SDR42E1: variants seen among roughly 807,000 people sequenced by gnomAD.
SDR42E1 encodes short-chain dehydrogenase/reductase family 42E member 1.
SDR42E1 carries 5 observed loss-of-function variants against 2.6 expected under a neutral mutation model. The ratio of observed to expected loss-of-function variants is 1.94; its 90% CI spans 1.01 to 4.08. The LOEUF (loss-of-function observed/expected upper bound fraction) is 4.08, where lower values mean the gene tolerates loss of function less well. Among genes scored for constraint, SDR42E1 ranks in the 30% most tolerant of loss-of-function variants. SDR42E1 has a pLI of 0.00. For synonymous variants in SDR42E1, 231 were observed against 188.3 expected (o/e 1.23, Z -1.86); for missense variants, 596 against 478.6 (o/e 1.25, Z -2.29).
At position 81,990,806 on chromosome 16, in the gene SDR42E1, T is replaced by G. The variant is rs1912408684; in HGVS notation, c.*8305A>C. On this transcript the variant is annotated 3_prime_UTR_variant, in exon 3 of 3. Coordinates refer to ENST00000328945, the MANE Select transcript of SDR42E1 (RefSeq NM_145168.3). ...CACTACCAAATATTTCTTTTCCACT[T>G]GGGCCCAAACTTAAGGTATTTGCTG... The G allele has an allele frequency of 6.6e-6, 1 of 152,198 alleles. No homozygotes were observed. The highest frequency in any genetic ancestry group is 1.5e-5 in the Non-Finnish European group (1 of 68,046). The allele number at this position is 152,198 out of a possible 1,614,324, so 9.4% of individuals were successfully genotyped here.
Position 81,999,876 on chromosome 16 carries a change from A to C in SDR42E1, c.417T>G (p.Ser139=). ...GGQVIRNGDE[S]LPYLPLHLHP... The stretch of plus-strand genomic sequence containing the variant: ...GGAGGTGAAGAGGCAGGTAGGGCAG[A>C]GATTCATCCCCATTTCTGATAACTT... The change falls in exon 3 of 3, where the codon TCT becomes TCG. Residue 139 remains serine (S), a synonymous_variant. Transcript: ENST00000328945. The C allele has an allele frequency of 6.2e-7, 1 of 1,614,172 alleles. No homozygotes were observed. Among genetic ancestry groups the C allele is most frequent in the Non-Finnish European group, 8.5e-7 (1 of 1,180,042 alleles).
Position 82,000,663 on chromosome 16 carries a change from G to C in SDR42E1, c.68+128C>G, listed in dbSNP as rs371719931. 17 of 702,016 alleles carry C rather than the reference G, an allele frequency of 2.4e-5. No individual in the cohort carries two copies. In the East Asian group the frequency reaches 3.4e-4, roughly 14 times the overall value. The allele number at this position is 702,016 out of a possible 1,614,324, so 43.5% of individuals were successfully genotyped here. A position where few individuals can be genotyped will look rare whatever the true frequency, so the allele number is the denominator to read the frequency against. On this transcript the variant is annotated intron_variant, in intron 2 of 2. Coordinates refer to ENST00000328945, the MANE Select transcript of SDR42E1 (RefSeq NM_145168.3). ...TCTCAGCTGCAATGTCTGAGCAGTG[G>C]GCAACACAGATCATTTCTGGTTTGA...
At chr16:82,002,154 G>C (rs1036300424) in intron 1 of SDR42E1, among the ~76,000 whole-genome samples, 1 of 152,196 alleles carries the variant, frequency 6.6e-6, no homozygotes, top group African/African-American at 2.4e-5. Flanking sequence ...GTGGAGACAG[G>C]AGGGAAGCGG....
At chr16:82,006,410 T>C (rs1912935979) in intron 1 of SDR42E1, among the ~76,000 whole-genome samples, 1 of 152,170 alleles carries the variant, frequency 6.6e-6, no homozygotes, top group Non-Finnish European at 1.5e-5. Context: ...TTGTGTTTAA[T>C]ACAAGGAAGT....
Position 81,990,449 on chromosome 16 carries a change from T to C in SDR42E1, c.*8662A>G, listed in dbSNP as rs1341102325. On this transcript the variant is annotated 3_prime_UTR_variant, in exon 3 of 3. Transcript: ENST00000328945. ...TATGTTGCTAATTAGTTACTGAACA[T>C]TCCATTTGAACGTCTCAAACTCCAC... 1.3e-5 allele frequency: 2 copies of C among 152,170 alleles called. No homozygotes were observed. Among genetic ancestry groups the C allele is most frequent in the African/African-American group, 4.8e-5 (2 of 41,438 alleles). The allele number at this position is 152,170 out of a possible 1,614,324, so 9.4% of individuals were successfully genotyped here. A position where few individuals can be genotyped will look rare whatever the true frequency, so the allele number is the denominator to read the frequency against.
chr16:82,000,069 C>G lies in SDR42E1; in HGVS notation c.224G>C (p.Cys75Ser). 1.9e-6 allele frequency: 3 copies of G among 1,614,220 alleles called. No homozygotes were observed. Among genetic ancestry groups the G allele is most frequent in the Non-Finnish European group, 2.5e-6 (3 of 1,180,044 alleles). ...EKAFQDADVT[C>S]VFHIASYGMS... ...ACCATAAGAGGCAATATGGAACACA[C>G]AAGTGACGTCTGCATCCTGGAAGGC... The change falls in exon 3 of 3, where the codon TGT (cysteine) becomes TCT (serine). Residue 75 changes from cysteine (C) to serine (S), a missense_variant. Physicochemically the swap from Cys to Ser is moderately radical, Grantham distance 112. Transcript: ENST00000328945.
At chr16:82,001,136 G>T (rs1912745228) in intron 1 of SDR42E1, among the ~76,000 whole-genome samples, 1 of 152,146 alleles carries the variant, frequency 6.6e-6, no homozygotes, top group Non-Finnish European at 1.5e-5. Flanking sequence ...TTAAATAAGA[G>T]AATGTACTTG....
intron 1 of SDR42E1, among the ~76,000 whole-genome samples, chr16:82,009,723 G>A (rs972911012): frequency 2.0e-5 from 3 of 152,216 alleles, no homozygotes; most frequent in African/African-American, 2.4e-5. Context: ...TTGAGTTAAT[G>A]CTAAAATGAG....
chr16:82,000,702 A>G, intron 2 of SDR42E1, 89 bp downstream of exon 2: 1 of 955,462 alleles, frequency 1.0e-6, no homozygotes, highest in Non-Finnish European at 1.7e-6. Flanking sequence ...TACACAAACA[A>G]GTAAAAGTCT....
In SDR42E1 at chr16:81,997,378, T is replaced by G. The variant is rs1243962080; in HGVS notation, c.*1733A>C. On this transcript the variant is annotated 3_prime_UTR_variant, in exon 3 of 3. Transcript: ENST00000328945. ...GGTATAATACGGAAATACCTTTGTG[T>G]ATTTCCTTCCCCTACTGAATAGGAT... is the stretch of plus-strand genomic sequence containing the variant. The G allele has an allele frequency of 6.6e-6, 1 of 152,156 alleles. No homozygotes were observed. The highest frequency in any genetic ancestry group is 1.5e-5 in the Non-Finnish European group (1 of 68,022). 9.4% of individuals were successfully genotyped at this position (152,156 alleles called of 1,614,324 possible).
chr16:81,995,618 G>A lies in SDR42E1; in HGVS notation c.*3493C>T, dbSNP rs1912524170. ...TTGACTTAGTTACGACAGTTCTAGT[G>A]TAGGTTGGCTATTTTCCCCAGTCTC... On this transcript the variant is annotated 3_prime_UTR_variant, in exon 3 of 3. Coordinates refer to ENST00000328945, the MANE Select transcript of SDR42E1 (RefSeq NM_145168.3). The A allele has an allele frequency of 6.6e-6, 1 of 152,230 alleles. No individual in the cohort carries two copies. The highest frequency in any genetic ancestry group is 1.5e-5 in the Non-Finnish European group (1 of 68,052). The allele number at this position is 152,230 out of a possible 1,614,324, so 9.4% of individuals were successfully genotyped here. A position where few individuals can be genotyped will look rare whatever the true frequency, so the allele number is the denominator to read the frequency against.
chr16:81,995,255 T>A lies in SDR42E1; in HGVS notation c.*3856A>T, dbSNP rs1488178094. 1 of 152,298 alleles carries A rather than the reference T, an allele frequency of 6.6e-6. No individual in the cohort carries two copies. The highest frequency in any genetic ancestry group is 2.4e-5 in the African/African-American group (1 of 41,430). 9.4% of individuals were successfully genotyped at this position (152,298 alleles called of 1,614,324 possible). ...GCTGGGTGGCTTCTGCCCAGACCTC[T>A]GAGAGCATCCCCAAGTGCACAAGTG... On this transcript the variant is annotated 3_prime_UTR_variant, in exon 3 of 3. Transcript: ENST00000328945.
rs189840189 is a variant in SDR42E1 at position 81,988,916 on chromosome 16, A to T, written c.*10195T>A. On this transcript the variant is annotated 3_prime_UTR_variant, in exon 3 of 3. Transcript: ENST00000328945. ...TGGTAGAATACTGCTACATACCCAG[A>T]ATTCAGGATTTTCTACTATATTCTA... is the stretch of plus-strand genomic sequence containing the variant. 20 of 152,316 alleles carry T rather than the reference A, an allele frequency of 1.3e-4. 2 individuals carry two copies. In the South Asian group the frequency reaches 2.7e-3, roughly 21 times the overall value. 9.4% of individuals were successfully genotyped at this position (152,316 alleles called of 1,614,324 possible). A position where few individuals can be genotyped will look rare whatever the true frequency, so the allele number is the denominator to read the frequency against.
In SDR42E1 at chr16:81,990,923, G is replaced by C. The variant is rs1264305182; in HGVS notation, c.*8188C>G. 3 of 152,174 alleles carry C rather than the reference G, an allele frequency of 2.0e-5. No homozygotes were observed. The highest frequency in any genetic ancestry group is 4.4e-5 in the Non-Finnish European group (3 of 68,036). 9.4% of individuals were successfully genotyped at this position (152,174 alleles called of 1,614,324 possible). ...CATCTAAGGGCACCTCTACAGGCTGGACTTTGCATTTTCATTACTTCGAAA... is the reference window on the plus strand; with the variant it reads ...CATCTAAGGGCACCTCTACAGGCTGCACTTTGCATTTTCATTACTTCGAAA... On this transcript the variant is annotated 3_prime_UTR_variant, in exon 3 of 3. Transcript: ENST00000328945.
At chr16:82,004,100 G>A (rs1347063771) in intron 1 of SDR42E1, among the ~76,000 whole-genome samples, 1 of 152,102 alleles carries the variant, frequency 6.6e-6, no homozygotes, top group African/African-American at 2.4e-5. Context: ...TTACAAATAA[G>A]AAAGAGGCTT....
In SDR42E1 at chr16:81,992,988, C is replaced by T. The variant is rs1004016421; in HGVS notation, c.*6123G>A. 2.0e-5 allele frequency: 3 copies of T among 152,096 alleles called. No homozygotes were observed. The highest frequency in any genetic ancestry group is 1.5e-5 in the Non-Finnish European group (1 of 68,030). The allele number at this position is 152,096 out of a possible 1,614,324, so 9.4% of individuals were successfully genotyped here. A position where few individuals can be genotyped will look rare whatever the true frequency, so the allele number is the denominator to read the frequency against. On this transcript the variant is annotated 3_prime_UTR_variant, in exon 3 of 3. Transcript: ENST00000328945. ...TACACTAAAAGATCAGGTAACCAGG[C>T]ACAACAAGATGTGTTGCCAAAGAAT...
rs973582814 is a variant in SDR42E1 at position 82,011,394 on chromosome 16, G to A, written c.-34C>T. On this transcript the variant is annotated 5_prime_UTR_variant, in exon 1 of 3. Coordinates refer to ENST00000328945, the MANE Select transcript of SDR42E1 (RefSeq NM_145168.3). ...CAGCCCAGGCCCACTCACAGCTGCA[G>A]GAACAAGGGCGCGGCAGACGGCTAC... 1 of 152,604 alleles carries A rather than the reference G, an allele frequency of 6.6e-6. No homozygotes were observed. Among genetic ancestry groups the A allele is most frequent in the Non-Finnish European group, 1.5e-5 (1 of 68,386 alleles). 9.5% of individuals were successfully genotyped at this position (152,604 alleles called of 1,614,324 possible). A position where few individuals can be genotyped will look rare whatever the true frequency, so the allele number is the denominator to read the frequency against.
intron 1 of SDR42E1, among the ~76,000 whole-genome samples, chr16:82,003,656 G>C (rs1666449323): frequency 6.6e-6 from 1 of 152,340 alleles, no homozygotes; most frequent in Admixed American, 6.5e-5. Flanking sequence ...CAAGTCTTCA[G>C]AGAGACTTCT....
intron 1 of SDR42E1, among the ~76,000 whole-genome samples, chr16:82,005,386 A>G (rs773418973): frequency 1.2e-4 from 19 of 152,174 alleles, no homozygotes; most frequent in Non-Finnish European, 2.6e-4. Flanking sequence ...GATAAACAGC[A>G]AGGAAAAAGC....
Sources: gnomAD v4.1 joint callset for allele counts (sites outside exome capture counted in the v4.1 genomes callset) on GRCh38, gnomAD v4.1.1 for gene constraint, MANE v1.5 for transcripts, NCBI Gene and HGNC (gene_info 2026-07-23, HGNC 2026-07-21) for gene names.